CDKAL1: variants seen among roughly 807,000 people sequenced by gnomAD.
The protein encoded by CDKAL1 is CDKAL1 threonylcarbamoyladenosine tRNA methylthiotransferase.
A neutral mutation model predicts 68.2 loss-of-function variants in CDKAL1; 32 were observed. The observed-to-expected ratio is 0.47, with a 90% CI of 0.35 to 0.63. CDKAL1 has a LOEUF of 0.63. Ranked by LOEUF, CDKAL1 falls within the 30% of genes least tolerant of loss-of-function variation. The pLI, the probability that CDKAL1 is intolerant of heterozygous loss-of-function variation, is 0.00. For missense variants in CDKAL1, 606 were observed against 696.7 expected (o/e 0.87, Z 1.47); for synonymous variants, 234 against 244.3 (o/e 0.96, Z 0.39).
At chr6:20,840,502 T>G (rs1477815624) in intron 8 of CDKAL1, among the ~76,000 whole-genome samples, 1 of 152,194 alleles carries the variant, frequency 6.6e-6, no homozygotes, top group Non-Finnish European at 1.5e-5. Context: ...CAGGGGAAAC[T>G]AACTCCGAAA....
At chr6:20,769,084 G>A (rs571370618) in intron 7 of CDKAL1, among the ~76,000 whole-genome samples, 31 of 152,126 alleles carry the variant, frequency 2.0e-4, no homozygotes, top group African/African-American at 7.2e-4. Context: ...CTGAACACAC[G>A]TGCTTATACT....
chr6:20,609,276 C>CCTCCTTCTCCTT (rs373576149), intron 4 of CDKAL1, among the ~76,000 whole-genome samples: 2 of 131,664 alleles, frequency 1.5e-5, no homozygotes, highest in African/African-American at 3.1e-5. Flanking sequence ...TCCTCCTTCT[C>CCTCCTTCTCCTT]CTCCTTCTCC....
chr6:20,668,194 T>C (rs1769643269), intron 5 of CDKAL1, among the ~76,000 whole-genome samples: 1 of 152,214 alleles, frequency 6.6e-6, no homozygotes, highest in African/African-American at 2.4e-5. Flanking sequence ...AATATTTGTT[T>C]GTTCTCTTAT....
chr6:20,643,290 G>A (rs891678795), intron 4 of CDKAL1, among the ~76,000 whole-genome samples: 3 of 152,134 alleles, frequency 2.0e-5, no homozygotes, highest in African/African-American at 7.2e-5. Context: ...TGGCATGAAT[G>A]TTCTAAGGCA....
Position 20,835,466 on chromosome 6 carries a change from C to T in CDKAL1, c.639-10609C>T, listed in dbSNP as rs574382906. On this transcript the variant is annotated intron_variant, in intron 8 of 15. Transcript: ENST00000274695. ...TAGCCTGTGTACTGGAACTCCTTTG[C>T]TTTGCTTTGCTTTGTTTGTCTTGTC... Among the ~76,000 whole-genome samples, 3 of 146,362 alleles carry T rather than the reference C, an allele frequency of 2.0e-5. No homozygotes were observed. In the East Asian group the frequency reaches 6.0e-4, roughly 29 times the overall value.
At chr6:20,730,377 G>A (rs1051740451) in intron 5 of CDKAL1, among the ~76,000 whole-genome samples, 7 of 145,522 alleles carry the variant, frequency 4.8e-5, no homozygotes, top group South Asian at 2.2e-4. Context: ...GATGGAGCCC[G>A]ACCCGAAAAA....
chr6:20,660,442 C>T (rs1310694536), intron 5 of CDKAL1, among the ~76,000 whole-genome samples: 2 of 152,202 alleles, frequency 1.3e-5, no homozygotes, highest in African/African-American at 4.8e-5. Flanking sequence ...TTGACAGATA[C>T]AGGCTGTGTA....
At chr6:20,723,147 G>C (rs1772467161) in intron 5 of CDKAL1, among the ~76,000 whole-genome samples, 1 of 152,154 alleles carries the variant, frequency 6.6e-6, no homozygotes, top group Admixed American at 6.5e-5. Context: ...GGCCAACTGA[G>C]CTGTTAACCC....
intron 9 of CDKAL1, among the ~76,000 whole-genome samples, chr6:20,938,905 G>A (rs1763849936): frequency 6.6e-6 from 1 of 151,976 alleles, no homozygotes; most frequent in South Asian, 2.1e-4. Context: ...TTCTTTGTAA[G>A]CAAATCTGAG....
chr6:20,999,609 G>C (rs1003277087), intron 10 of CDKAL1, among the ~76,000 whole-genome samples: 15 of 145,330 alleles, frequency 1.0e-4, no homozygotes, highest in Non-Finnish European at 2.1e-4. Context: ...TGGCCTCACT[G>C]TCGGGTCATG....
intron 9 of CDKAL1, among the ~76,000 whole-genome samples, chr6:20,899,320 C>G (rs1054252035): frequency 6.6e-6 from 1 of 152,046 alleles, no homozygotes; most frequent in Non-Finnish European, 1.5e-5. Flanking sequence ...GCCTCGGCCT[C>G]CCAAAGTGCT....
intron 13 of CDKAL1, among the ~76,000 whole-genome samples, chr6:21,182,713 C>T (rs1777838699): frequency 6.6e-6 from 1 of 152,204 alleles, no homozygotes; most frequent in African/African-American, 2.4e-5. Context: ...TGCATAGTCA[C>T]TGTCCTGCTG....
chr6:20,619,742 G>A (rs1247296184), intron 4 of CDKAL1, among the ~76,000 whole-genome samples: 3 of 152,132 alleles, frequency 2.0e-5, no homozygotes, highest in Non-Finnish European at 2.9e-5. Flanking sequence ...ATATTTGACT[G>A]GTTAGGTCTT....
chr6:20,930,257 TAA>T (rs5874794), intron 9 of CDKAL1, among the ~76,000 whole-genome samples: 2,474 of 150,200 alleles, frequency 0.016, 66 homozygotes, highest in African/African-American at 0.055. Context: ...AAACGTGAAT[TAA>T]AAAAAAAAAA....
In CDKAL1 at chr6:21,000,886, C is replaced by T. The variant is rs147803899; in HGVS notation, c.1055+514C>T. Among the ~76,000 whole-genome samples the T allele has an allele frequency of 8.0e-3, 1,221 of 152,304 alleles. 4 individuals are homozygous for T. The highest frequency in any genetic ancestry group is 0.017 in the Middle Eastern group (5 of 294). ...TTTACAAGAAGGTTTGAGGATTCTA[C>T]TTTTTAAAGTTCAAATTGCTATTGA... On this transcript the variant is annotated intron_variant, in intron 11 of 15. Coordinates refer to ENST00000274695, the MANE Select transcript of CDKAL1 (RefSeq NM_017774.3).
At chr6:20,889,422 T>C (rs1007889157) in intron 9 of CDKAL1, among the ~76,000 whole-genome samples, 19 of 152,208 alleles carry the variant, frequency 1.2e-4, no homozygotes, top group African/African-American at 4.3e-4. Context: ...TTGCTTTTGG[T>C]GTTTTAGACA....
intron 10 of CDKAL1, among the ~76,000 whole-genome samples, chr6:20,985,284 T>TTTTG (rs1413119089): frequency 7.7e-4 from 118 of 152,266 alleles, no homozygotes; most frequent in African/African-American, 2.8e-3. Flanking sequence ...TCCATGGTTT[T>TTTTG]TTTGTTTGTT....
chr6:20,700,262 G>A (rs1771283014), intron 5 of CDKAL1, among the ~76,000 whole-genome samples: 1 of 151,862 alleles, frequency 6.6e-6, no homozygotes, highest in Admixed American at 6.6e-5. Context: ...GGCTGAGGCA[G>A]GAGAATCACT....
At chr6:20,583,077 G>A (rs535237031) in intron 4 of CDKAL1, among the ~76,000 whole-genome samples, 174 of 152,242 alleles carry the variant, frequency 1.1e-3, no homozygotes, top group African/African-American at 3.7e-3. Context: ...TTTGGGAAAA[G>A]TAAACTTTGC....
Sources: gnomAD v4.1 joint callset for allele counts (sites outside exome capture counted in the v4.1 genomes callset) on GRCh38, gnomAD v4.1.1 for gene constraint, MANE v1.5 for transcripts, NCBI Gene and HGNC (gene_info 2026-07-23, HGNC 2026-07-21) for gene names.